BPTF: variants seen among roughly 807,000 people sequenced by gnomAD.
The protein encoded by BPTF is bromodomain PHD finger transcription factor.
In BPTF, 18 loss-of-function variants were observed where a neutral mutation model predicts 292.5. That is an observed-to-expected ratio of 0.06 (90% confidence interval 0.04 to 0.09). The LOEUF (loss-of-function observed/expected upper bound fraction) is 0.09, where lower values mean the gene tolerates loss of function less well. Among genes scored for constraint, BPTF ranks in the 10% least tolerant of loss-of-function variants. The probability of loss-of-function intolerance (pLI) is 1.00; values close to 1 mark genes in which losing one functional copy is unlikely to be tolerated. For missense variants in BPTF, 2,726 were observed against 3,498.7 expected (o/e 0.78, Z 5.57); for synonymous variants, 1,225 against 1,251.9 (o/e 0.98, Z 0.45).
At chr17:67,952,850 T>A (rs2066509722) in intron 23 of BPTF, among the ~76,000 whole-genome samples, 1 of 152,190 alleles carries the variant, frequency 6.6e-6, no homozygotes, top group Non-Finnish European at 1.5e-5. Flanking sequence ...CACCTTCTTG[T>A]TCCTCCTCTT....
chr17:67,953,905 A>T (rs1194408214), intron 23 of BPTF, among the ~76,000 whole-genome samples: 1 of 148,968 alleles, frequency 6.7e-6, no homozygotes, highest in Non-Finnish European at 1.5e-5. Context: ...GAGTGAATTC[A>T]GATTAGACCA....
chr17:67,835,038 ACTGTC>A (rs2057014554), intron 1 of BPTF, among the ~76,000 whole-genome samples: 10 of 152,054 alleles, frequency 6.6e-5, no homozygotes, highest in African/African-American at 2.2e-4. Flanking sequence ...ATAGTAAGAC[ACTGTC>A]TTTACAAAAG....
chr17:67,843,096 A>G (rs910802812), intron 1 of BPTF, among the ~76,000 whole-genome samples: 5 of 150,814 alleles, frequency 3.3e-5, no homozygotes, highest in African/African-American at 1.2e-4. Context: ...AGATACATAT[A>G]TCTATATATA....
chr17:67,889,588 A>G (rs7212040), intron 4 of BPTF, among the ~76,000 whole-genome samples: 3,896 of 152,200 alleles, frequency 0.026, 190 homozygotes, highest in African/African-American at 0.088. Flanking sequence ...CGGGTGGATC[A>G]CTGGAGGTCA....
intron 2 of BPTF, among the ~76,000 whole-genome samples, chr17:67,856,553 G>T (rs1323002867): frequency 6.6e-6 from 1 of 152,156 alleles, no homozygotes; most frequent in East Asian, 1.9e-4. Flanking sequence ...CTGAGCAAGT[G>T]GGTGGGCCTT....
At chr17:67,865,188 G>A (rs1203345341) in intron 2 of BPTF, among the ~76,000 whole-genome samples, 1 of 152,074 alleles carries the variant, frequency 6.6e-6, no homozygotes, top group African/African-American at 2.4e-5. Context: ...AAAAACTTTT[G>A]GATCTTGGAG....
chr17:67,952,119 T>C (rs1341293519), intron 23 of BPTF, among the ~76,000 whole-genome samples: 2 of 151,486 alleles, frequency 1.3e-5, no homozygotes, highest in East Asian at 1.9e-4. Flanking sequence ...GACCAGCCTG[T>C]CCAACATGGT....
At chr17:67,970,119 G>A (rs1335510751) in intron 26 of BPTF, among the ~76,000 whole-genome samples, 1 of 151,812 alleles carries the variant, frequency 6.6e-6, no homozygotes, top group Non-Finnish European at 1.5e-5. Flanking sequence ...TGTAATCCCA[G>A]CTACTTAGGA....
intron 1 of BPTF, among the ~76,000 whole-genome samples, chr17:67,840,951 C>A (rs1346552717): frequency 1.3e-5 from 2 of 152,192 alleles, no homozygotes; most frequent in Non-Finnish European, 2.9e-5. Context: ...TATTTTCTCC[C>A]TGTCAGTGCC....
chr17:67,868,749 A>G (rs2059534145), intron 3 of BPTF, among the ~76,000 whole-genome samples: 1 of 152,212 alleles, frequency 6.6e-6, no homozygotes, highest in African/African-American at 2.4e-5. Context: ...TATATTTAAT[A>G]AAGATACCCG....
chr17:67,944,028 A>T, intron 19 of BPTF, 122 bp from the exon 20 acceptor site: 1 of 767,832 alleles, frequency 1.3e-6, no homozygotes, highest in Non-Finnish European at 2.2e-6. Flanking sequence ...CCTGCTGGTG[A>T]CATTCAAATA....
intron 23 of BPTF, chr17:67,950,840 A>AG (rs1555678197): frequency 6.7e-6 from 1 of 150,272 alleles, no homozygotes; most frequent in Non-Finnish European, 1.5e-5. Flanking sequence ...CTAGGTCTCA[A>AG]AAAAAAAAAA....
intron 7 of BPTF, among the ~76,000 whole-genome samples, chr17:67,895,532 G>A (rs564753485): frequency 4.7e-5 from 7 of 148,464 alleles, no homozygotes; most frequent in Non-Finnish European, 8.9e-5. Context: ...CGCCATCACA[G>A]CTCACTGCAG....
Position 67,829,167 on chromosome 17 carries a change from G to GT in BPTF, c.613+2843dup, listed in dbSNP as rs946247374. The stretch of plus-strand genomic sequence containing the variant: ...TTGATGGACAATTTGATCAGTGAAT[G>GT]TTTTTTTTTTTTTCTGTGAACGTTT... On this transcript the variant is annotated intron_variant, in intron 1 of 27. Transcript: ENST00000306378. Among the ~76,000 whole-genome samples the GT allele has an allele frequency of 7.9e-3, 1,091 of 138,702 alleles. 14 individuals carry two copies. The highest frequency in any genetic ancestry group is 0.021 in the African/African-American group (786 of 37,878). 91.0% of individuals were successfully genotyped at this position (138,702 alleles called of 152,430 possible). A position where few individuals can be genotyped will look rare whatever the true frequency, so the allele number is the denominator to read the frequency against.
intron 23 of BPTF, among the ~76,000 whole-genome samples, chr17:67,951,910 C>T (rs1348168702): frequency 1.3e-5 from 2 of 151,752 alleles, no homozygotes; most frequent in Non-Finnish European, 2.9e-5. Flanking sequence ...CAAAAATTAG[C>T]TGGGCATGGT....
chr17:67,945,681 G>C lies in BPTF; in HGVS notation c.6973G>C (p.Val2325Leu). 6.2e-7 allele frequency: 1 copy of C among 1,614,098 alleles called. No homozygotes were observed. The highest frequency in any genetic ancestry group is 8.5e-7 in the Non-Finnish European group (1 of 1,180,026). ...PTHAQSSKPQ[V>L]AAQSQPQSNV... ...CCACGCACAGTCATCCAAGCCCCAA[G>C]TTGCAGCACAGTCTCAGCCTCAAAG... is the stretch of plus-strand genomic sequence containing the variant. The change falls in exon 21 of 28, where the codon GTT becomes CTT. Residue 2325 changes from valine (V) to leucine (L), a missense_variant. By Grantham distance (32) the Val-to-Leu change is conservative. Around this residue, in one of 22 missense-constraint regions of BPTF, gnomAD observed 570 missense variants for 633.5 expected, o/e 0.90. Transcript: ENST00000306378.
At chr17:67,921,207 G>A (rs1383598418) in intron 13 of BPTF, among the ~76,000 whole-genome samples, 1 of 76,874 alleles carries the variant, frequency 1.3e-5, no homozygotes, top group Non-Finnish European at 2.3e-5. Flanking sequence ...GAGAATCCGT[G>A]TCAAAAAAAA....
rs1288116381 is a variant in BPTF at position 67,854,478 on chromosome 17, AGGG to A, written c.1154_1156del (p.Gly385del). On this transcript the variant is annotated inframe_deletion, in exon 2 of 28. Coordinates refer to ENST00000306378, the MANE Select transcript of BPTF (RefSeq NM_182641.4). The surrounding 1 kb of genome is among the most constrained non-coding windows in gnomAD (Gnocchi z 5.6). ...TTGCTCGAGAGGAATTGATGTCTGA[AGGG>A]GTGATACAGTATGATGACCATTGTA... is the stretch of plus-strand genomic sequence containing the variant. 1 of 1,614,220 alleles carries A rather than the reference AGGG, an allele frequency of 6.2e-7. No homozygotes were observed. Among genetic ancestry groups the A allele is most frequent in the Non-Finnish European group, 8.5e-7 (1 of 1,180,048 alleles).
intron 4 of BPTF, among the ~76,000 whole-genome samples, chr17:67,879,854 C>A (rs149790901): frequency 6.6e-6 from 1 of 152,278 alleles, no homozygotes; most frequent in African/African-American, 2.4e-5. Flanking sequence ...CAACACCCAA[C>A]CCGAGAGCAT....
Sources: gnomAD v4.1 joint callset for allele counts (sites outside exome capture counted in the v4.1 genomes callset) on GRCh38, gnomAD v4.1.1 for gene constraint, gnomAD v4.1.1 regional missense constraint, Gnocchi (gnomAD v3.1) non-coding constraint, MANE v1.5 for transcripts, NCBI Gene and HGNC (gene_info 2026-07-23, HGNC 2026-07-21) for gene names.